Variants in RAB3IL1 observed in about 807,000 individuals in gnomAD.
RAB3IL1 encodes the protein RAB3A interacting protein like 1, also known as guanine nucleotide exchange factor for Rab-3A.
RAB3IL1 carries 37 observed loss-of-function variants against 49.2 expected under a neutral mutation model. The observed-to-expected ratio is 0.75, with a 90% CI of 0.58 to 0.99. The LOEUF (loss-of-function observed/expected upper bound fraction) is 0.99, where lower values mean the gene tolerates loss of function less well. Among genes scored for constraint, RAB3IL1 ranks in the 50% least tolerant of loss-of-function variants. The pLI is 0.00. For missense variants in RAB3IL1, 484 were observed against 513.0 expected, an observed-to-expected ratio of 0.94 and a Z score of 0.55; for synonymous variants, 193 against 213.9, an observed-to-expected ratio of 0.90 and a Z score of 0.85.
At chr11:61,946,072 G>A in the RAB3IL1 span, among the ~76,000 whole-genome samples, 104 of 152,274 alleles carry the variant, frequency 6.8e-4, no homozygotes, top group African/African-American at 2.4e-3. Context: ...TGGCTTCCGG[G>A]CCCTGGACTG....
chr11:61,920,015 C>T (rs1939857502), upstream of RAB3IL1: 1 of 1,239,598 alleles, frequency 8.1e-7, no homozygotes, highest in Non-Finnish European at 1.0e-6. Flanking sequence ...TCCCCCTCCC[C>T]TCCATGCCCC....
intron 7 of RAB3IL1, among the ~76,000 whole-genome samples, 172 bp from the exon 8 acceptor site, chr11:61,902,713 C>G (rs1938983892): frequency 6.6e-6 from 1 of 152,196 alleles, no homozygotes; most frequent in African/African-American, 2.4e-5. Context: ...GGAGCTGGCC[C>G]CAGCCATCCC....
upstream of RAB3IL1, among the ~76,000 whole-genome samples, chr11:61,923,492 C>T (rs1162247583): frequency 2.0e-5 from 3 of 152,234 alleles, no homozygotes; most frequent in Admixed American, 6.5e-5. Context: ...AGCTGGCAGG[C>T]TCAAGGCAGC....
upstream of RAB3IL1, chr11:61,920,155 C>T (rs1388894011): frequency 2.9e-5 from 38 of 1,328,050 alleles, no homozygotes; most frequent in Non-Finnish European, 3.7e-5. Context: ...ACATGTCCCT[C>T]GGGCGGGGCA....
chr11:61,922,024 T>TA (rs529601764), upstream of RAB3IL1, among the ~76,000 whole-genome samples: 1,065 of 148,830 alleles, frequency 7.2e-3, 9 homozygotes, highest in Middle Eastern at 0.025. Context: ...CTCTATTATT[T>TA]AAAAAAAAAC....
chr11:61,907,715 G>A (rs1939269391), intron 2 of RAB3IL1, 55 bp from the exon 3 acceptor site: 1 of 1,508,136 alleles, frequency 6.6e-7, no homozygotes, highest in Non-Finnish European at 9.2e-7. Context: ...GCCTGGCACG[G>A]GAGGGACCAG....
the RAB3IL1 span, among the ~76,000 whole-genome samples, chr11:61,934,210 C>A: frequency 6.6e-6 from 1 of 151,038 alleles, no homozygotes; most frequent in Admixed American, 6.6e-5. Context: ...GTGGCACAAT[C>A]CTAGCTCACT....
At chr11:61,922,997 A>G (rs973850537), upstream of RAB3IL1, among the ~76,000 whole-genome samples, 1 of 152,190 alleles carries the variant, frequency 6.6e-6, no homozygotes, top group Non-Finnish European at 1.5e-5. Flanking sequence ...CAAGAGGGGA[A>G]AGGGCTTGGC....
In RAB3IL1 at chr11:61,908,275, G is replaced by A; in HGVS notation, c.43C>T (p.Pro15Ser). The A allele has an allele frequency of 6.7e-7, 1 of 1,500,380 alleles. No homozygotes were observed. Among genetic ancestry groups the A allele is most frequent in the African/African-American group, 1.4e-5 (1 of 72,050 alleles). 92.9% of individuals were successfully genotyped at this position (1,500,380 alleles called of 1,614,324 possible). Residue 15 changes from proline to serine, a missense_variant, in exon 2 of 10, where the codon CCC (proline) becomes TCC (serine). Pro to Ser is a moderately conservative substitution (Grantham distance 74). Transcript: ENST00000394836. Reference protein sequence around the residue: ...PPQPDQGLPPPLAAVPVPWKS... With the variant: ...PPQPDQGLPPSLAAVPVPWKS... ...CAGGGGACCGGGACAGCTGCAAGGG[G>A]CGGCGGGAGGCCCTGGTCTGGCTGG...
Position 61,908,178 on chromosome 11 carries a change from TC to T in RAB3IL1, c.139del (p.Glu47ArgfsTer33). On this transcript the variant is annotated frameshift_variant, in exon 2 of 10. Coordinates refer to ENST00000394836, the MANE Select transcript of RAB3IL1 (RefSeq NM_013401.4). LOFTEE classifies it high-confidence loss of function. ...GALVETSAGE[E>X]AQGQEGPAAA... ...TGCGGGGCCCTCCTGGCCTTGGGCCTCCTCCCCTGCAGAGGTCTCCACCAGG... is the reference window on the plus strand; with the variant it reads ...TGCGGGGCCCTCCTGGCCTTGGGCCTCTCCCCTGCAGAGGTCTCCACCAGG... 6.4e-7 allele frequency: 1 copy of T among 1,555,424 alleles called. No homozygotes were observed.
the RAB3IL1 span, among the ~76,000 whole-genome samples, chr11:61,944,242 C>CCTTCCTTCCTTCCTTCCCTCCTTT: frequency 7.9e-6 from 1 of 127,280 alleles, no homozygotes; most frequent in Non-Finnish European, 1.7e-5. Context: ...TTCCTTCCTT[C>CCTTCCTTCCTTCCTTCCCTCCTTT]CTTCCTTCCT....
chr11:61,926,054 A>G, the RAB3IL1 span, among the ~76,000 whole-genome samples: 128 of 149,298 alleles, frequency 8.6e-4, no homozygotes, highest in African/African-American at 3.1e-3. Context: ...GAAAAAGATC[A>G]ATAGATCTGT....
At chr11:61,943,150 T>C in the RAB3IL1 span, among the ~76,000 whole-genome samples, 1 of 152,180 alleles carries the variant, frequency 6.6e-6, no homozygotes, top group South Asian at 2.1e-4. Context: ...AAGTGACATA[T>C]AGCTCAATAG....
intron 8 of RAB3IL1, among the ~76,000 whole-genome samples, chr11:61,899,966 C>A (rs566492447): frequency 6.6e-5 from 10 of 152,358 alleles, no homozygotes; most frequent in African/African-American, 2.2e-4. Context: ...TGAGGACTCA[C>A]ACCACGGAGA....
At chr11:61,905,543 C>T (rs778333842) in intron 5 of RAB3IL1, among the ~76,000 whole-genome samples, 2 of 151,932 alleles carry the variant, frequency 1.3e-5, no homozygotes, top group Non-Finnish European at 2.9e-5. Flanking sequence ...CGGGCTGGGC[C>T]GGATGGACAG....
chr11:61,918,716 C>T (rs1310506943), upstream of RAB3IL1, among the ~76,000 whole-genome samples: 3 of 152,208 alleles, frequency 2.0e-5, no homozygotes, highest in Non-Finnish European at 2.9e-5. Context: ...CTGGGCACAG[C>T]GCACAGCAAG....
At chr11:61,919,684 A>G (rs1939846763), upstream of RAB3IL1, among the ~76,000 whole-genome samples, 3 of 152,240 alleles carry the variant, frequency 2.0e-5, no homozygotes, top group South Asian at 6.2e-4. Flanking sequence ...TCCTCTGCCT[A>G]CAAGCCACTG....
chr11:61,902,421 C>T (rs1209120396), intron 8 of RAB3IL1, 21 bp downstream of exon 8: 2 of 1,569,734 alleles, frequency 1.3e-6, no homozygotes, highest in East Asian at 2.3e-5. Flanking sequence ...AGTCAAGTAA[C>T]GCTTGCAAAG....
intron 1 of RAB3IL1, 119 bp downstream of exon 1, chr11:61,917,238 G>A (rs1415609032): frequency 1.6e-6 from 2 of 1,282,480 alleles, no homozygotes; most frequent in Non-Finnish European, 2.0e-6. Flanking sequence ...GGCAGGGCGG[G>A]GGCGCACAGC....
Sources: gnomAD v4.1 joint callset for allele counts (sites outside exome capture counted in the v4.1 genomes callset) on GRCh38, gnomAD v4.1.1 for gene constraint, MANE v1.5 for transcripts, NCBI Gene and HGNC (gene_info 2026-07-23, HGNC 2026-07-21) for gene names.